The following PDE8A variants were observed in gnomAD, a reference collection of about 807,000 sequenced individuals.
PDE8A encodes the protein high affinity cAMP-specific and IBMX-insensitive 3',5'-cyclic phosphodiesterase 8A.
Under a neutral mutation model 105.0 loss-of-function variants are expected in PDE8A, and 59 were observed. That is an observed-to-expected ratio of 0.56 (90% CI 0.46 to 0.70). The LOEUF is 0.70. PDE8A is among the 30% of genes least tolerant of loss of function. PDE8A has a pLI of 0.00. For missense variants in PDE8A, 1,014 were observed against 1,045.9 expected, an observed-to-expected ratio of 0.97 and a Z score of 0.42; for synonymous variants, 355 against 371.9, an observed-to-expected ratio of 0.95 and a Z score of 0.52.
At chr15:85,036,149 C>T (rs2080702953) in intron 1 of PDE8A, among the ~76,000 whole-genome samples, 2 of 152,170 alleles carry the variant, frequency 1.3e-5, no homozygotes, top group African/African-American at 4.8e-5. Flanking sequence ...TCCTCATGGT[C>T]CACTCCTCAT....
intron 1 of PDE8A, among the ~76,000 whole-genome samples, chr15:85,021,663 T>C (rs1381202701): frequency 6.6e-6 from 1 of 152,166 alleles, no homozygotes; most frequent in African/African-American, 2.4e-5. Flanking sequence ...TGATCTCATA[T>C]CCAATCCAGG....
intron 2 of PDE8A, among the ~76,000 whole-genome samples, chr15:85,066,422 A>C (rs2081225847): frequency 6.6e-6 from 1 of 151,966 alleles, no homozygotes; most frequent in Non-Finnish European, 1.5e-5. Flanking sequence ...TTAGCCGGGC[A>C]TGTGGTGGCG....
At chr15:85,126,165 A>G (rs1163121810) in intron 19 of PDE8A, 42 bp from the exon 20 acceptor site, 2 of 1,499,194 alleles carry the variant, frequency 1.3e-6, no homozygotes, top group Non-Finnish European at 1.8e-6. Context: ...CTTGGCACCA[A>G]GGGATCCATT....
At chr15:85,119,479 A>AAAAAAAAAAAAAAAAAAAAAAAAC (rs2082147581) in intron 17 of PDE8A, among the ~76,000 whole-genome samples, 1 of 150,538 alleles carries the variant, frequency 6.6e-6, no homozygotes, top group Non-Finnish European at 1.5e-5. Flanking sequence ...AAAAAAAAAA[A>AAAAAAAAAAAAAAAAAAAAAAAAC]AACATTTATT....
At chr15:85,018,914 G>T (rs2080373432) in intron 1 of PDE8A, among the ~76,000 whole-genome samples, 1 of 152,060 alleles carries the variant, frequency 6.6e-6, no homozygotes, top group Non-Finnish European at 1.5e-5. Flanking sequence ...TTACATTAAG[G>T]TTATTTACTC....
intron 1 of PDE8A, among the ~76,000 whole-genome samples, chr15:84,999,456 A>T (rs1419034399): frequency 1.3e-5 from 2 of 152,084 alleles, no homozygotes; most frequent in African/African-American, 4.8e-5. Flanking sequence ...ATATTCCCTC[A>T]TTCATTCAGC....
rs76749557 is a variant in PDE8A, at chr15:85,060,466, A to G, written c.187-3904A>G. Reference sequence around the variant, plus strand: ...AAAAATAAAACATGTAAAATAATACAGCATTAAGAACTGTTTACATAGCAT... The same window carrying G: ...AAAAATAAAACATGTAAAATAATACGGCATTAAGAACTGTTTACATAGCAT... On this transcript the variant is annotated intron_variant, in intron 1 of 21. Coordinates refer to ENST00000394553, the MANE Select transcript of PDE8A (RefSeq NM_002605.3). 8.0e-3 allele frequency among the ~76,000 whole-genome samples: 1,213 copies of G among 152,358 alleles called. 20 individuals carry two copies. Among genetic ancestry groups the G allele is most frequent in the African/African-American group, 0.028 (1,144 of 41,576 alleles).
intron 1 of PDE8A, among the ~76,000 whole-genome samples, chr15:85,009,639 T>C (rs1218222670): frequency 6.6e-6 from 1 of 152,230 alleles, no homozygotes; most frequent in Non-Finnish European, 1.5e-5. Context: ...TTGTCTGTTA[T>C]GACAAAAACT....
At chr15:85,058,347 A>G (rs906383185) in intron 1 of PDE8A, among the ~76,000 whole-genome samples, 3 of 152,142 alleles carry the variant, frequency 2.0e-5, no homozygotes, top group African/African-American at 7.2e-5. Flanking sequence ...TAGCCTCTCA[A>G]AAGCGCTGGG....
chr15:85,009,104 AGAGAGAGTGTGTGTGTGT>A (rs1472830775), intron 1 of PDE8A, among the ~76,000 whole-genome samples: 62 of 142,314 alleles, frequency 4.4e-4, no homozygotes, highest in Non-Finnish European at 7.3e-4. Flanking sequence ...AGAGAGAGAG[AGAGAGAGTGTGTGTGTGT>A]GTGTGTGTGT....
chr15:85,011,051 G>A (rs1369211774), intron 1 of PDE8A, among the ~76,000 whole-genome samples: 1 of 152,076 alleles, frequency 6.6e-6, no homozygotes. Flanking sequence ...TGAAATCTTG[G>A]CTGTCCTCCC....
chr15:85,114,161 A>G, intron 14 of PDE8A, 124 bp downstream of exon 14: 1 of 779,032 alleles, frequency 1.3e-6, no homozygotes, highest in Non-Finnish European at 2.1e-6. Context: ...GTCAAGACCT[A>G]AACTCTCCTC....
chr15:85,058,042 T>TA (rs2081089453), intron 1 of PDE8A, among the ~76,000 whole-genome samples: 1 of 152,172 alleles, frequency 6.6e-6, no homozygotes, highest in Admixed American at 6.5e-5. Flanking sequence ...GTTTTTGAGA[T>TA]AGAGTCTCAC....
chr15:85,053,106 G>C (rs995909644), intron 1 of PDE8A, among the ~76,000 whole-genome samples: 6 of 152,218 alleles, frequency 3.9e-5, no homozygotes, highest in African/African-American at 1.4e-4. Flanking sequence ...GTTTTTGTCA[G>C]GTTTGTCAAA....
At chr15:85,110,974 T>C (rs928317989) in intron 12 of PDE8A, among the ~76,000 whole-genome samples, 7 of 152,376 alleles carry the variant, frequency 4.6e-5, no homozygotes, top group African/African-American at 1.7e-4. Context: ...GTTTTAATTT[T>C]AATTTTCCTT....
chr15:85,111,695 A>G (rs755669427), intron 12 of PDE8A, among the ~76,000 whole-genome samples: 9 of 152,198 alleles, frequency 5.9e-5, no homozygotes, highest in African/African-American at 1.2e-4. Context: ...GACGCTTAGA[A>G]TGAGCTTCTT....
chr15:85,073,420 A>T (rs1019179364), intron 3 of PDE8A, among the ~76,000 whole-genome samples: 1 of 152,186 alleles, frequency 6.6e-6, no homozygotes, highest in African/African-American at 2.4e-5. Context: ...GCTGTTTTTA[A>T]GGGCTTATCT....
chr15:85,090,603 G>C, intron 7 of PDE8A: 1 of 272,184 alleles, frequency 3.7e-6, no homozygotes, highest in Non-Finnish European at 7.7e-6. Context: ...GAGTCTCAGA[G>C]GGATTAAGTG....
intron 7 of PDE8A, among the ~76,000 whole-genome samples, chr15:85,090,184 G>A (rs1457077712): frequency 6.6e-6 from 1 of 152,192 alleles, no homozygotes; most frequent in Non-Finnish European, 1.5e-5. Context: ...ACGGGCCTGG[G>A]CTCCATCCTG....
Sources: allele counts gnomAD v4.1 joint callset (sites outside exome capture counted in the v4.1 genomes callset), GRCh38; gene constraint gnomAD v4.1.1; transcripts MANE v1.5; gene names NCBI Gene and HGNC (gene_info 2026-07-23, HGNC 2026-07-21).